DUS1L: variants seen among roughly 807,000 people sequenced by gnomAD.
DUS1L encodes the protein tRNA-dihydrouridine(16/17) synthase [NAD(P)(+)]-like.
Under a neutral mutation model 61.2 loss-of-function variants are expected in DUS1L, and 56 were observed. The observed-to-expected ratio is 0.92, with a 90% CI of 0.74 to 1.14. The LOEUF (loss-of-function observed/expected upper bound fraction) is 1.14. Ranked by LOEUF, DUS1L falls within the 50% of genes most tolerant of loss-of-function variation. The probability of loss-of-function intolerance (pLI) is 0.00; values close to 1 mark genes in which losing one functional copy is unlikely to be tolerated. For missense variants in DUS1L, 630 were observed against 632.4 expected (o/e 1.00, Z 0.04); for synonymous variants, 278 against 259.5 (o/e 1.07, Z -0.69).
At chr17:82,061,879 T>A in intron 6 of DUS1L, 22 bp downstream of exon 6, 1 of 1,597,938 alleles carries the variant, frequency 6.3e-7, no homozygotes, top group Non-Finnish European at 8.5e-7. Flanking sequence ...GACTGAGGGC[T>A]GTGTCACCCA....
At chr17:82,058,994 C>T (rs533298610) in intron 11 of DUS1L, 176 bp from the exon 12 acceptor site, 17 of 630,466 alleles carry the variant, frequency 2.7e-5, no homozygotes, top group Admixed American at 7.6e-5. Flanking sequence ...CTTTTCCTTC[C>T]GTGAGCAATG....
chr17:82,064,913 C>T lies in DUS1L; in HGVS notation c.147G>A (p.Leu49=), dbSNP rs1426990888. 6.2e-7 allele frequency: 1 copy of T among 1,612,582 alleles called. No individual in the cohort carries two copies. Residue 49 remains leucine, a synonymous_variant, in exon 2 of 14, where the codon CTG becomes CTA. Coordinates refer to ENST00000306796, the MANE Select transcript of DUS1L (RefSeq NM_022156.5). ...CGTCGCGGACAAAGACCTGGGCATG[C>T]AGCATGGGCGTGTAGCAGAGCTGTG... ...HGAQLCYTPM[L]HAQVFVRDAN...
rs1213050119 is a variant in DUS1L at position 82,063,529 on chromosome 17, C to T, written c.347-11G>A. 6.2e-7 allele frequency: 1 copy of T among 1,613,410 alleles called. No homozygotes were observed. Among genetic ancestry groups the T allele is most frequent in the South Asian group, 1.1e-5 (1 of 91,092 alleles). On this transcript the variant is annotated splice_polypyrimidine_tract_variant and intron_variant, in intron 3 of 13. Coordinates refer to ENST00000306796, the MANE Select transcript of DUS1L (RefSeq NM_022156.5). ...AGGCGCCATAGTGACCTGCAAGGAG[C>T]AAGCATGGCCTGGCTGGCACCTGTG... is the stretch of plus-strand genomic sequence containing the variant.
At chr17:82,065,304 C>T (rs2033718886) in intron 1 of DUS1L, 2 of 482,136 alleles carry the variant, frequency 4.1e-6, no homozygotes, top group Non-Finnish European at 7.3e-6. Flanking sequence ...CCCTGGGGAG[C>T]GGGACTCGAT....
chr17:82,063,641 CA>C, intron 3 of DUS1L, 123 bp from the exon 4 acceptor site: 1 of 1,185,538 alleles, frequency 8.4e-7, no homozygotes, highest in Non-Finnish European at 1.2e-6. Flanking sequence ...TCAGGCGGGA[CA>C]CAGGTCCCCA....
intron 2 of DUS1L, 47 bp downstream of exon 2, chr17:82,064,776 G>A: frequency 6.8e-7 from 1 of 1,472,930 alleles, no homozygotes. Flanking sequence ...AGGCATTCCA[G>A]GACCGGGAAC....
At position 82,061,277 on chromosome 17, in the gene DUS1L, G is replaced by A. The variant is rs764752398; in HGVS notation, c.774C>T (p.Asp258=). 11 of 1,611,234 alleles carry A rather than the reference G, an allele frequency of 6.8e-6. No individual in the cohort carries two copies. In the African/African-American group the frequency reaches 1.1e-4, roughly 16 times the overall value. ...GGGGGCAGGGGTGCTCCCGCACGATGTCCAGATACTCCTCGGCCAGCTCCC... is the reference window on the plus strand; with the variant it reads ...GGGGGCAGGGGTGCTCCCGCACGATATCCAGATACTCCTCGGCCAGCTCCC... ...AVWELAEEYL[D]IVREHPCPLS... The change falls in exon 8 of 14, where the codon GAC becomes GAT. Residue 258 remains aspartate, a synonymous_variant. Transcript: ENST00000306796.
In DUS1L at chr17:82,065,196, A is replaced by G. The variant is rs1050497351; in HGVS notation, c.-10-127T>C. 3 of 806,504 alleles carry G rather than the reference A, an allele frequency of 3.7e-6. No homozygotes were observed. In the African/African-American group the frequency reaches 5.2e-5, roughly 14 times the overall value. 50.0% of individuals were successfully genotyped at this position (806,504 alleles called of 1,614,324 possible). On this transcript the variant is annotated intron_variant, in intron 1 of 13. Transcript: ENST00000306796. ...CCGTTGGGTCACACGCGGGGGCACTAAAGGCGGGGGTCGGTGCAGGCTGGA... is the reference window on the plus strand; with the variant it reads ...CCGTTGGGTCACACGCGGGGGCACTGAAGGCGGGGGTCGGTGCAGGCTGGA...
intron 5 of DUS1L, among the ~76,000 whole-genome samples, chr17:82,062,539 C>T (rs2033558580): frequency 1.3e-5 from 2 of 152,244 alleles, no homozygotes; most frequent in South Asian, 2.1e-4. Context: ...GTGGCCCCTT[C>T]CTCACCCTCT....
At chr17:82,059,885 C>T in intron 11 of DUS1L, 63 bp downstream of exon 11, 4 of 1,598,834 alleles carry the variant, frequency 2.5e-6, no homozygotes, top group Non-Finnish European at 1.7e-6. Flanking sequence ...CTGTTACTGG[C>T]AACAGGGAGG....
chr17:82,062,065 G>A, intron 5 of DUS1L, 82 bp from the exon 6 acceptor site: 2 of 1,199,746 alleles, frequency 1.7e-6, no homozygotes, highest in Non-Finnish European at 2.2e-6. Context: ...CGCCCCCTCT[G>A]CCCCTACTCC....
intron 4 of DUS1L, 58 bp downstream of exon 4, chr17:82,063,410 C>T: frequency 6.2e-7 from 1 of 1,610,712 alleles, no homozygotes. Context: ...TGGACAGTGC[C>T]CATGTGTCCC....
In DUS1L at chr17:82,064,879, G is replaced by T; in HGVS notation, c.181C>A (p.Arg61=). 6.2e-7 allele frequency: 1 copy of T among 1,612,682 alleles called. No homozygotes were observed. The change falls in exon 2 of 14, where the codon CGG becomes AGG. Residue 61 remains arginine (R), a synonymous_variant. Transcript: ENST00000306796. ...ACCTCGCAGTACAGGTTCTCCTTCC[G>T]GTAGTTGGCGTCGCGGACAAAGACC... The part of the protein sequence containing the change: ...AQVFVRDANY[R]KENLYCEVCP...
intron 10 of DUS1L, chr17:82,060,441 T>G: frequency 1.7e-6 from 1 of 587,368 alleles, no homozygotes; most frequent in South Asian, 2.1e-5. Flanking sequence ...GAGAAGTATG[T>G]TATGGAAGAA....
intron 12 of DUS1L, 53 bp from the exon 13 acceptor site, chr17:82,058,469 GCTGGCCAGCAGGGGAGCAGCCCCA>G (rs779325097): frequency 3.0e-5 from 45 of 1,476,406 alleles, no homozygotes; most frequent in Non-Finnish European, 3.9e-5. Flanking sequence ...CCGGGGCCAG[GCTGGCCAGCAGGGGAGCAGCCCCA>G]CTGGGGAAGC....
rs550586829 is a variant in DUS1L at position 82,064,371 on chromosome 17, G to A, written c.238-137C>T. The A allele has an allele frequency of 8.5e-5, 59 of 692,900 alleles. No homozygotes were observed. In the African/African-American group the frequency reaches 1.1e-3, roughly 12 times the overall value. 42.9% of individuals were successfully genotyped at this position (692,900 alleles called of 1,614,324 possible). ...GCAGGAGGGTGCTCTGTCCTGCGGA[G>A]GCTTACAATATGACAAAGCCGGGAG... On this transcript the variant is annotated intron_variant, in intron 2 of 13. Transcript: ENST00000306796.
At position 82,060,846 on chromosome 17, in the gene DUS1L, C is replaced by CA; in HGVS notation, c.939+18dup. ...CTCACCCCCTGCAAGGCCGGGCTCC[C>CA]ACCAGCCCCAGCACCTGCCTGACAC... On this transcript the variant is annotated intron_variant, in intron 9 of 13. Transcript: ENST00000306796. 6.2e-7 allele frequency: 1 copy of CA among 1,611,776 alleles called. No individual in the cohort carries two copies. Among genetic ancestry groups the CA allele is most frequent in the East Asian group, 2.2e-5 (1 of 44,844 alleles).
In DUS1L at chr17:82,058,521, G is replaced by A. The variant is rs750451136; in HGVS notation, c.1207-105C>T. 49 of 1,465,040 alleles carry A rather than the reference G, an allele frequency of 3.3e-5. No individual in the cohort carries two copies. In the Middle Eastern group the frequency reaches 7.7e-4, roughly 23 times the overall value. The allele number at this position is 1,465,040 out of a possible 1,614,324, so 90.8% of individuals were successfully genotyped here. Reference sequence around the variant, plus strand: ...GGGGAAGCCTCTGCCAGATGCCCACGGCCTGGATGCAGCCCTGGGAACTGC... The same window carrying A: ...GGGGAAGCCTCTGCCAGATGCCCACAGCCTGGATGCAGCCCTGGGAACTGC... On this transcript the variant is annotated intron_variant, in intron 12 of 13. Coordinates refer to ENST00000306796, the MANE Select transcript of DUS1L (RefSeq NM_022156.5).
intron 12 of DUS1L, 91 bp downstream of exon 12, chr17:82,058,690 G>A (rs758835398): frequency 2.5e-6 from 4 of 1,585,362 alleles, no homozygotes; most frequent in Non-Finnish European, 3.4e-6. Flanking sequence ...AGCTGGGCGG[G>A]CACCAGACCT....
Sources: gnomAD v4.1 joint callset for allele counts (sites outside exome capture counted in the v4.1 genomes callset) on GRCh38, gnomAD v4.1.1 for gene constraint, MANE v1.5 for transcripts, NCBI Gene and HGNC (gene_info 2026-07-23, HGNC 2026-07-21) for gene names.